METRNL: variants seen among roughly 807,000 people sequenced by gnomAD.
METRNL encodes meteorin-like protein.
METRNL carries 9 observed loss-of-function variants against 17.4 expected under a neutral mutation model. The observed-to-expected ratio is 0.52, with a 90% CI of 0.31 to 0.90. The LOEUF is 0.90. Among genes scored for constraint, METRNL ranks in the 40% least tolerant of loss-of-function variants. The pLI is 0.05. For synonymous variants in METRNL, 215 were observed against 199.3 expected (o/e 1.08, Z -0.66); for missense variants, 408 against 430.7 (o/e 0.95, Z 0.47).
intron 1 of METRNL, 74 bp from the exon 2 acceptor site, chr17:83,084,864 C>T: frequency 6.5e-7 from 1 of 1,532,112 alleles, no homozygotes; most frequent in South Asian, 1.2e-5. Flanking sequence ...ATCGTCCTCA[C>T]TGACTCTCTG....
rs2037960227 is a variant in METRNL, at chr17:83,079,830, G to A, written c.15G>A (p.Ala5=). 1 of 975,742 alleles carries A rather than the reference G, an allele frequency of 1.0e-6. No homozygotes were observed. The highest frequency in any genetic ancestry group is 1.8e-5 in the African/African-American group (1 of 55,940). The allele number at this position is 975,742 out of a possible 1,614,324, so 60.4% of individuals were successfully genotyped here. A position where few individuals can be genotyped will look rare whatever the true frequency, so the allele number is the denominator to read the frequency against. The part of the protein sequence containing the change: MRGA[A]RAAWGRAGQP... ...GGCGCCAGAGCATGCGGGGCGCGGC[G>A]CGGGCGGCCTGGGGGCGCGCGGGGC... is the stretch of plus-strand genomic sequence containing the variant. The change falls in exon 1 of 4, where the codon GCG becomes GCA. Residue 5 remains alanine, a synonymous_variant. Coordinates refer to ENST00000320095, the MANE Select transcript of METRNL (RefSeq NM_001004431.3).
At chr17:83,083,554 C>T (rs577789223) in intron 1 of METRNL, among the ~76,000 whole-genome samples, 1 of 152,282 alleles carries the variant, frequency 6.6e-6, no homozygotes, top group African/African-American at 2.4e-5. Context: ...GCTTTATGGG[C>T]TGTAATTTGT....
At chr17:83,084,075 C>CTGT (rs2038020085) in intron 1 of METRNL, 1 of 152,146 alleles carries the variant, frequency 6.6e-6, no homozygotes, top group Admixed American at 6.5e-5. Context: ...TCATTTTTTT[C>CTGT]TGTTTAGCAT....
intron 2 of METRNL, among the ~76,000 whole-genome samples, chr17:83,090,088 C>A (rs565467035): frequency 2.0e-5 from 3 of 151,398 alleles, no homozygotes; most frequent in Non-Finnish European, 4.4e-5. Context: ...CGGGGTGGGA[C>A]GCATGTGGCT....
rs144692363 is a variant in METRNL, at chr17:83,083,880, C to T, written c.171-1058C>T. On this transcript the variant is annotated intron_variant, in intron 1 of 3. Transcript: ENST00000320095. ...TGTGGGTGAACCTGTCTGAGATCTG[C>T]GTAATAAAACACTTAGTTGAAGTCA... 2.1e-3 allele frequency among the ~76,000 whole-genome samples: 324 copies of T among 152,296 alleles called. 4 individuals carry two copies. Among genetic ancestry groups the T allele is most frequent in the African/African-American group, 6.1e-3 (252 of 41,544 alleles).
intron 2 of METRNL, among the ~76,000 whole-genome samples, chr17:83,091,297 G>A (rs1428746256): frequency 2.0e-5 from 3 of 152,186 alleles, no homozygotes; most frequent in Non-Finnish European, 4.4e-5. Context: ...CTTAATGGAA[G>A]CAAATGCAGG....
chr17:83,093,524 C>A (rs1210754666), intron 3 of METRNL, among the ~76,000 whole-genome samples: 5 of 152,234 alleles, frequency 3.3e-5, no homozygotes, highest in Admixed American at 1.3e-4. Flanking sequence ...TCCACTGTCT[C>A]CCAGCAGCTC....
At chr17:83,087,479 C>G (rs546229115) in intron 2 of METRNL, among the ~76,000 whole-genome samples, 201 of 152,316 alleles carry the variant, frequency 1.3e-3, no homozygotes, top group African/African-American at 4.6e-3. Context: ...AGAGGCCTCT[C>G]CTATCCTGAT....
At chr17:83,084,099 C>G (rs932566237) in intron 1 of METRNL, 1 of 152,210 alleles carries the variant, frequency 6.6e-6, no homozygotes, top group African/African-American at 2.4e-5. Flanking sequence ...TGAGGGTGAA[C>G]TTAGCTTGCT....
chr17:83,079,835 C>A lies in METRNL; in HGVS notation c.20C>A (p.Ala7Glu). 1.0e-6 allele frequency: 1 copy of A among 972,664 alleles called. No homozygotes were observed. Among genetic ancestry groups the A allele is most frequent in the Non-Finnish European group, 1.2e-6 (1 of 823,684 alleles). 60.3% of individuals were successfully genotyped at this position (972,664 alleles called of 1,614,324 possible). A position where few individuals can be genotyped will look rare whatever the true frequency, so the allele number is the denominator to read the frequency against. ...CAGAGCATGCGGGGCGCGGCGCGGG[C>A]GGCCTGGGGGCGCGCGGGGCAGCCG... is the stretch of plus-strand genomic sequence containing the variant. MRGAAR[A>E]AWGRAGQPWP... Residue 7 changes from alanine (A) to glutamate (E), a missense_variant, in exon 1 of 4, where the codon GCG becomes GAG. Transcript: ENST00000320095.
At chr17:83,085,733 C>T (rs1456647958) in intron 2 of METRNL, among the ~76,000 whole-genome samples, 3 of 152,208 alleles carry the variant, frequency 2.0e-5, no homozygotes, top group Admixed American at 6.5e-5. Flanking sequence ...CTGTGGCGGC[C>T]GGGCCAGTGC....
chr17:83,082,537 A>G (rs1003104870), intron 1 of METRNL, among the ~76,000 whole-genome samples: 3 of 152,242 alleles, frequency 2.0e-5, no homozygotes, highest in African/African-American at 7.2e-5. Flanking sequence ...CTAAAGTTGA[A>G]CGAACCACGG....
Position 83,094,648 on chromosome 17 carries a change from G to C in METRNL, c.*73G>C. 3 of 1,268,598 alleles carry C rather than the reference G, an allele frequency of 2.4e-6. No homozygotes were observed. The highest frequency in any genetic ancestry group is 3.9e-5 in the South Asian group (2 of 51,168). The allele number at this position is 1,268,598 out of a possible 1,614,324, so 78.6% of individuals were successfully genotyped here. A position where few individuals can be genotyped will look rare whatever the true frequency, so the allele number is the denominator to read the frequency against. ...TGGGCGCTGCGGTCCTGGTGGGGCC[G>C]TGCGGTGAGGGCCGCGCGCTGGGAG... On this transcript the variant is annotated 3_prime_UTR_variant, in exon 4 of 4. Transcript: ENST00000320095.
At chr17:83,089,666 A>C (rs2038094030) in intron 2 of METRNL, among the ~76,000 whole-genome samples, 1 of 152,000 alleles carries the variant, frequency 6.6e-6, no homozygotes, top group Admixed American at 6.5e-5. Context: ...CCTGGAGACG[A>C]GGTGCAATGT....
intron 2 of METRNL, among the ~76,000 whole-genome samples, chr17:83,088,960 G>A (rs1048721940): frequency 2.0e-5 from 3 of 152,074 alleles, no homozygotes; most frequent in Non-Finnish European, 2.9e-5. Context: ...CCTTCTCTCC[G>A]GCCACTGTAA....
At chr17:83,089,738 G>T (rs567105021) in intron 2 of METRNL, among the ~76,000 whole-genome samples, 1 of 150,570 alleles carries the variant, frequency 6.6e-6, no homozygotes, top group Non-Finnish European at 1.5e-5. Flanking sequence ...ATTGTCTCCC[G>T]ATTGTCTCCC....
intron 1 of METRNL, among the ~76,000 whole-genome samples, chr17:83,082,788 G>C (rs754585364): frequency 6.6e-6 from 1 of 152,232 alleles, no homozygotes; most frequent in Non-Finnish European, 1.5e-5. Context: ...CTCGGACTTC[G>C]TGCCGAGGTC....
intron 1 of METRNL, chr17:83,084,388 T>C (rs1189210866): frequency 6.5e-6 from 1 of 153,766 alleles, no homozygotes; most frequent in African/African-American, 2.4e-5. Flanking sequence ...GGCTCCTCCT[T>C]CACACGTGGT....
chr17:83,094,630 T>C lies in METRNL; in HGVS notation c.*55T>C. On this transcript the variant is annotated 3_prime_UTR_variant, in exon 4 of 4. Coordinates refer to ENST00000320095, the MANE Select transcript of METRNL (RefSeq NM_001004431.3). ...ATGAGTCACAGGCTGCGGTGGGCGC[T>C]GCGGTCCTGGTGGGGCCGTGCGGTG... 1.5e-6 allele frequency: 2 copies of C among 1,373,106 alleles called. No homozygotes were observed. Among genetic ancestry groups the C allele is most frequent in the Non-Finnish European group, 1.9e-6 (2 of 1,054,202 alleles). The allele number at this position is 1,373,106 out of a possible 1,614,324, so 85.1% of individuals were successfully genotyped here.
Sources: allele counts gnomAD v4.1 joint callset (sites outside exome capture counted in the v4.1 genomes callset), GRCh38; gene constraint gnomAD v4.1.1; transcripts MANE v1.5; gene names NCBI Gene and HGNC (gene_info 2026-07-23, HGNC 2026-07-21).